PPP1R13L: variants seen among roughly 807,000 people sequenced by gnomAD.
PPP1R13L encodes the protein protein phosphatase 1 regulatory subunit 13 like, also known as relA-associated inhibitor.
Under a neutral mutation model 80.9 loss-of-function variants are expected in PPP1R13L, and 50 were observed. The ratio of observed to expected loss-of-function variants is 0.62; its 90% CI spans 0.49 to 0.78. The LOEUF (loss-of-function observed/expected upper bound fraction) is 0.78, where lower values mean the gene tolerates loss of function less well. Among genes scored for constraint, PPP1R13L ranks in the 30% least tolerant of loss-of-function variants. The pLI, the probability that PPP1R13L is intolerant of heterozygous loss-of-function variation, is 0.00. For missense variants in PPP1R13L, 1,200 were observed against 1,205.9 expected (o/e 1.00, Z 0.07); for synonymous variants, 602 against 534.3 (o/e 1.13, Z -1.75).
chr19:45,394,016 C>T (rs1329390714), intron 7 of PPP1R13L, among the ~76,000 whole-genome samples: 3 of 152,246 alleles, frequency 2.0e-5, no homozygotes, highest in South Asian at 2.1e-4. Flanking sequence ...AACAGAGTTT[C>T]GGACAAGTAA....
chr19:45,395,576 T>G lies in PPP1R13L; in HGVS notation c.1214A>C (p.Lys405Thr). 1 of 1,477,080 alleles carries G rather than the reference T, an allele frequency of 6.8e-7. No individual in the cohort carries two copies. The highest frequency in any genetic ancestry group is 1.4e-5 in the African/African-American group (1 of 71,516). 91.5% of individuals were successfully genotyped at this position (1,477,080 alleles called of 1,614,324 possible). Reference protein sequence around the residue: ...SPLFTRAPPPKLQPQPQPQPQ... With the variant: ...SPLFTRAPPPTLQPQPQPQPQ... The stretch of plus-strand genomic sequence containing the variant: ...CTGTGGTTGTGGTTGGGGCTGCAGC[T>G]TAGGCGGGGGTGCTCGGGTGAAGAG... Residue 405 changes from lysine (K) to threonine (T), a missense_variant, in exon 7 of 13, where the codon AAG becomes ACG. Coordinates refer to ENST00000360957, the MANE Select transcript of PPP1R13L (RefSeq NM_006663.4).
At chr19:45,406,316 A>G (rs1028758846), upstream of PPP1R13L, 21 of 1,112,656 alleles carry the variant, frequency 1.9e-5, no homozygotes, top group Non-Finnish European at 2.2e-5. This position sits in a 1 kb window ranked among gnomAD's most constrained non-coding sequence, Gnocchi z 4.2. Flanking sequence ...ATTTCAGACC[A>G]ATCGACCGTC....
chr19:45,392,672 TGC>T, intron 7 of PPP1R13L: 2 of 419,424 alleles, frequency 4.8e-6, no homozygotes, highest in East Asian at 1.1e-4. Context: ...CCCAAAGCCA[TGC>T]AGTTGGGACT....
At chr19:45,400,524 G>C (rs1182284208) in intron 1 of PPP1R13L, among the ~76,000 whole-genome samples, 2 of 151,810 alleles carry the variant, frequency 1.3e-5, no homozygotes, top group Non-Finnish European at 2.9e-5. Context: ...TGAACAGGGA[G>C]TGTGTGACCT....
chr19:45,391,879 C>T lies in PPP1R13L; in HGVS notation c.1815+1G>A, dbSNP rs1972979014. ...CCCCGGTTTCCTCCTGTATTACTTACCATGCTCTGCGGCTGCTCTGGTGGG... is the reference window on the plus strand; with the variant it reads ...CCCCGGTTTCCTCCTGTATTACTTATCATGCTCTGCGGCTGCTCTGGTGGG... On this transcript the variant is annotated splice_donor_variant, in intron 8 of 12. Transcript: ENST00000360957. LOFTEE classifies it high-confidence loss of function. 1 of 1,475,888 alleles carries T rather than the reference C, an allele frequency of 6.8e-7. No homozygotes were observed. Among genetic ancestry groups the T allele is most frequent in the South Asian group, 1.5e-5 (1 of 67,846 alleles). The allele number at this position is 1,475,888 out of a possible 1,614,324, so 91.4% of individuals were successfully genotyped here.
At chr19:45,381,865 G>T (rs777094525) in intron 12 of PPP1R13L, among the ~76,000 whole-genome samples, 1 of 151,804 alleles carries the variant, frequency 6.6e-6, no homozygotes, top group African/African-American at 2.4e-5. Context: ...ACTTGAGCCC[G>T]GGAGGCAGAG....
chr19:45,395,480 G>T lies in PPP1R13L; in HGVS notation c.1310C>A (p.Pro437Gln). The change falls in exon 7 of 13, where the codon CCA becomes CAA. Residue 437 changes from proline to glutamine, a missense_variant. Pro to Gln is a moderately conservative substitution (Grantham distance 76). Around this residue, in one of 5 missense-constraint regions of PPP1R13L, gnomAD observed 764 missense variants for 714.5 expected, o/e 1.07. Coordinates refer to ENST00000360957, the MANE Select transcript of PPP1R13L (RefSeq NM_006663.4). The part of the protein sequence containing the change: ...QPQTQPQTPT[P>Q]APQHPQQTWP... ...TGTCTGTTGGGGATGCTGGGGGGCT[G>T]GGGTAGGGGTTTGGGGTTGGGTCTG... 6.7e-7 allele frequency: 1 copy of T among 1,502,570 alleles called. No individual in the cohort carries two copies. Among genetic ancestry groups the T allele is most frequent in the South Asian group, 1.2e-5 (1 of 82,898 alleles). The allele number at this position is 1,502,570 out of a possible 1,614,324, so 93.1% of individuals were successfully genotyped here.
In PPP1R13L at chr19:45,395,605, G is replaced by A; in HGVS notation, c.1185C>T (p.Ser395=). ...GCGGGGGTGCTCGGGTGAAGAGGGG[G>A]GACCCAGGGAGCATGGCGCGGCTGG... ...HGASRAMLPG[S]PLFTRAPPPK... is the part of the protein sequence containing the mutation. Residue 395 remains serine, a synonymous_variant, in exon 7 of 13, where the codon TCC becomes TCT. Transcript: ENST00000360957. 6.8e-7 allele frequency: 1 copy of A among 1,474,484 alleles called. No homozygotes were observed. Among genetic ancestry groups the A allele is most frequent in the Non-Finnish European group, 9.0e-7 (1 of 1,116,288 alleles). The allele number at this position is 1,474,484 out of a possible 1,614,324, so 91.3% of individuals were successfully genotyped here.
chr19:45,388,118 A>G (rs1972904784), intron 8 of PPP1R13L, among the ~76,000 whole-genome samples: 1 of 151,966 alleles, frequency 6.6e-6, no homozygotes, highest in South Asian at 2.1e-4. Flanking sequence ...TAGTGAGCTG[A>G]GATGGCACCA....
intron 12 of PPP1R13L, among the ~76,000 whole-genome samples, chr19:45,380,474 C>G (rs1376151952): frequency 6.6e-6 from 1 of 152,118 alleles, no homozygotes; most frequent in Non-Finnish European, 1.5e-5. Flanking sequence ...GCCCACCTCT[C>G]TCTAACACCT....
rs73044586 is a variant in PPP1R13L, at chr19:45,384,395, C to G, written c.2248+1167G>C. ...AAAAAAAAAAAAAAAAGTTAGCGGG[C>G]CGTGGGGCCCTTGCCTGTAATCCCA... On this transcript the variant is annotated intron_variant, in intron 11 of 12. Coordinates refer to ENST00000360957, the MANE Select transcript of PPP1R13L (RefSeq NM_006663.4). 1.8e-4 allele frequency among the ~76,000 whole-genome samples: 27 copies of G among 146,800 alleles called. No homozygotes were observed. The East Asian group carries it at 5.2e-3, about 28-fold the overall frequency.
At position 45,380,195 on chromosome 19, in the gene PPP1R13L, C is replaced by A. The variant is rs2123339852; in HGVS notation, c.2482G>T (p.Val828Phe). 1.2e-6 allele frequency: 2 copies of A among 1,614,082 alleles called. No individual in the cohort carries two copies. The highest frequency in any genetic ancestry group is 2.2e-5 in the East Asian group (1 of 44,882). ...AGAAACCTCCTTCTATCCTGCTAGA[C>A]TTTACTCCTTTGAGGCTTCACCCTG... ...FPRVKPQRSKV is the reference protein window; with the variant it reads ...FPRVKPQRSKF Residue 828 changes from valine to phenylalanine, a missense_variant, in exon 13 of 13, where the codon GTC (valine) becomes TTC (phenylalanine). By Grantham distance (50) the Val-to-Phe change is conservative (BLOSUM62 -1). Around this residue, in one of 5 missense-constraint regions of PPP1R13L, gnomAD observed 165 missense variants for 177.1 expected, o/e 0.93. Coordinates refer to ENST00000360957, the MANE Select transcript of PPP1R13L (RefSeq NM_006663.4).
Position 45,398,279 on chromosome 19 carries a change from C to A in PPP1R13L, c.40G>T (p.Asp14Tyr), listed in dbSNP as rs756418372. 6.2e-7 allele frequency: 1 copy of A among 1,613,836 alleles called. No homozygotes were observed. Among genetic ancestry groups the A allele is most frequent in the Non-Finnish European group, 8.5e-7 (1 of 1,179,948 alleles). The change falls in exon 2 of 13, where the codon GAC becomes TAC. Residue 14 changes from aspartate (D) to tyrosine (Y), a missense_variant. Asp to Tyr is a radical substitution (Grantham distance 160). Coordinates refer to ENST00000360957, the MANE Select transcript of PPP1R13L (RefSeq NM_006663.4). ...EAFQSARDFLDMNFQSLAMKH... is the reference protein window; with the variant it reads ...EAFQSARDFLYMNFQSLAMKH... Reference sequence around the variant, plus strand: ...TCCAGCTTACACTGGAAGTTCATGTCCAGAAAGTCCCGCGCGCTCTGGAAT... The same window carrying A: ...TCCAGCTTACACTGGAAGTTCATGTACAGAAAGTCCCGCGCGCTCTGGAAT...
rs1275456000 is a variant in PPP1R13L, at chr19:45,398,438, T to G, written c.-21-99A>C. ...GTCAGGAGCGGGACAACGCCTCAAC[T>G]CAGTTCCTTCCCCTGGAAGCCCTTT... is the stretch of plus-strand genomic sequence containing the variant. On this transcript the variant is annotated intron_variant, in intron 1 of 12. Coordinates refer to ENST00000360957, the MANE Select transcript of PPP1R13L (RefSeq NM_006663.4). 3.4e-6 allele frequency: 4 copies of G among 1,173,322 alleles called. No homozygotes were observed. In the African/African-American group the frequency reaches 4.6e-5, roughly 13 times the overall value. 72.7% of individuals were successfully genotyped at this position (1,173,322 alleles called of 1,614,324 possible).
upstream of PPP1R13L, chr19:45,406,315 C>A (rs1315182633): frequency 9.0e-7 from 1 of 1,111,312 alleles, no homozygotes; most frequent in Non-Finnish European, 1.1e-6. This position sits in a 1 kb window ranked among gnomAD's most constrained non-coding sequence, Gnocchi z 4.2. Context: ...AATTTCAGAC[C>A]AATCGACCGT....
intron 8 of PPP1R13L, among the ~76,000 whole-genome samples, chr19:45,389,805 ATTTT>A (rs921468963): frequency 6.6e-6 from 1 of 151,336 alleles, no homozygotes; most frequent in South Asian, 2.1e-4. Context: ...TTTTATTTTT[ATTTT>A]TTTTGAGACG....
Position 45,401,600 on chromosome 19 carries a change from C to T in PPP1R13L, c.-21-3261G>A, listed in dbSNP as rs961640953. On this transcript the variant is annotated intron_variant, in intron 1 of 12. Coordinates refer to ENST00000360957, the MANE Select transcript of PPP1R13L (RefSeq NM_006663.4). ...CTAAAGTTCTACAGAGCCTAAACCC[C>T]TCAGCTAAAGAGCCTATTGTTGGAA... 7.9e-5 allele frequency among the ~76,000 whole-genome samples: 12 copies of T among 152,158 alleles called. 1 individual carries two copies. Among genetic ancestry groups the T allele is most frequent in the African/African-American group, 2.9e-4 (12 of 41,434 alleles).
At position 45,396,889 on chromosome 19, in the gene PPP1R13L, GT is replaced by G; in HGVS notation, c.367del (p.Thr123ProfsTer101). The G allele has an allele frequency of 6.6e-7, 1 of 1,525,630 alleles. No homozygotes were observed. Among genetic ancestry groups the G allele is most frequent in the Non-Finnish European group, 8.7e-7 (1 of 1,144,422 alleles). The allele number at this position is 1,525,630 out of a possible 1,614,324, so 94.5% of individuals were successfully genotyped here. ...GGCGTCCGGCTGCAGGTAGAGCGGG[GT>G]GCGCGGCGACGACGGCCGTCCCTTG... ...SPKGRPSSPRTPLYLQPDAYG... is the reference protein window; with the variant it reads ...SPKGRPSSPRXPLYLQPDAYG... On this transcript the variant is annotated frameshift_variant, in exon 4 of 13. Coordinates refer to ENST00000360957, the MANE Select transcript of PPP1R13L (RefSeq NM_006663.4). LOFTEE classifies it high-confidence loss of function. The surrounding 1 kb of genome is among the most constrained non-coding windows in gnomAD (Gnocchi z 5.3).
chr19:45,405,012 TC>T lies in PPP1R13L; in HGVS notation c.-36del, dbSNP rs1292349553. ...GGTGAAACTCACGGATCCGGGCAGA[TC>T]CTGGCACCTGGGGGCTTCCTCCAGC... On this transcript the variant is annotated 5_prime_UTR_variant, in exon 1 of 13. Transcript: ENST00000360957. 2.0e-6 allele frequency: 2 copies of T among 985,828 alleles called. No homozygotes were observed. Among genetic ancestry groups the T allele is most frequent in the African/African-American group, 3.5e-5 (2 of 57,196 alleles). The allele number at this position is 985,828 out of a possible 1,614,324, so 61.1% of individuals were successfully genotyped here.
Sources: allele counts gnomAD v4.1 joint callset (sites outside exome capture counted in the v4.1 genomes callset), GRCh38; gene constraint gnomAD v4.1.1; regional missense constraint gnomAD v4.1.1; non-coding constraint Gnocchi (gnomAD v3.1); transcripts MANE v1.5; gene names NCBI Gene and HGNC (gene_info 2026-07-23, HGNC 2026-07-21).